XRCC4: variants seen among roughly 807,000 people sequenced by gnomAD.
The protein encoded by XRCC4 is X-ray repair cross complementing 4, also known as DNA repair protein XRCC4.
XRCC4 carries 28 observed loss-of-function variants against 39.1 expected under a neutral mutation model. The observed-to-expected ratio is 0.72, with a 90% CI of 0.53 to 0.98. XRCC4 has a LOEUF of 0.98. XRCC4 is among the 50% of genes least tolerant of loss of function. The pLI, the probability that XRCC4 is intolerant of heterozygous loss-of-function variation, is 0.00. For synonymous variants in XRCC4, 123 were observed against 126.4 expected, an observed-to-expected ratio of 0.97 and a Z score of 0.18; for missense variants, 350 against 376.4, an observed-to-expected ratio of 0.93 and a Z score of 0.58.
chr5:83,111,487 G>C (rs903232421), intron 3 of XRCC4, among the ~76,000 whole-genome samples: 27 of 152,084 alleles, frequency 1.8e-4, no homozygotes, highest in African/African-American at 5.5e-4. Flanking sequence ...CTTGAAAAAG[G>C]TGAGATCAGA....
chr5:83,352,529 A>G (rs1156333365), intron 7 of XRCC4, among the ~76,000 whole-genome samples: 1 of 152,256 alleles, frequency 6.6e-6, no homozygotes, highest in Non-Finnish European at 1.5e-5. Flanking sequence ...CAGTCAATCC[A>G]TTGAAGTAGT....
chr5:83,084,040 C>G (rs1259535148), intron 1 of XRCC4, among the ~76,000 whole-genome samples: 1 of 151,992 alleles, frequency 6.6e-6, no homozygotes, highest in Non-Finnish European at 1.5e-5. Flanking sequence ...GCGAATGTGT[C>G]TTACTGATCT....
At position 83,207,525 on chromosome 5, in the gene XRCC4, A is replaced by G. The variant is rs190565562; in HGVS notation, c.745+2604A>G. ...AGTAAGTTTTCGATGTCAAGAATTA[A>G]TAGCATAATAGAACTTTACCCTTTT... On this transcript the variant is annotated intron_variant, in intron 6 of 7. Transcript: ENST00000396027. Among the ~76,000 whole-genome samples the G allele has an allele frequency of 4.7e-4, 71 of 152,204 alleles. 1 individual carries two copies. Among genetic ancestry groups the G allele is most frequent in the Admixed American group, 1.6e-3 (24 of 15,274 alleles).
chr5:83,295,344 C>T (rs1218634391), intron 7 of XRCC4, among the ~76,000 whole-genome samples: 1 of 151,952 alleles, frequency 6.6e-6, no homozygotes, highest in South Asian at 2.1e-4. Flanking sequence ...ACATATCTGT[C>T]ATAAAATGTT....
downstream of XRCC4, among the ~76,000 whole-genome samples, chr5:83,357,172 C>T (rs920930462): frequency 6.6e-6 from 1 of 152,158 alleles, no homozygotes; most frequent in Admixed American, 6.6e-5. Context: ...TCGATCCTTT[C>T]AACAAATATT....
intron 6 of XRCC4, among the ~76,000 whole-genome samples, chr5:83,242,536 C>T (rs1018115943): frequency 1.3e-5 from 2 of 152,064 alleles, no homozygotes; most frequent in Non-Finnish European, 2.9e-5. Flanking sequence ...GCCTTGAACT[C>T]CTGGGCTCAA....
In XRCC4 at chr5:83,110,970, T is replaced by C. The variant is rs374173137; in HGVS notation, c.140-58T>C. 3 of 1,486,832 alleles carry C rather than the reference T, an allele frequency of 2.0e-6. No individual in the cohort carries two copies. In the East Asian group the frequency reaches 7.4e-5, roughly 37 times the overall value. 92.1% of individuals were successfully genotyped at this position (1,486,832 alleles called of 1,614,324 possible). A position where few individuals can be genotyped will look rare whatever the true frequency, so the allele number is the denominator to read the frequency against. On this transcript the variant is annotated intron_variant, in intron 2 of 7. Coordinates refer to ENST00000396027, the MANE Select transcript of XRCC4 (RefSeq NM_003401.5). ...TTAGTACTAACAGATAAACTAATAT[T>C]TTCTCATGTGTAGTCATTTACTTTT...
chr5:83,226,599 TCCAGACC>T (rs1752300058), intron 6 of XRCC4, among the ~76,000 whole-genome samples: 3 of 152,048 alleles, frequency 2.0e-5, no homozygotes, highest in African/African-American at 7.2e-5. Context: ...CTATGTGGGA[TCCAGACC>T]CTCCTCTCTA....
intron 7 of XRCC4, among the ~76,000 whole-genome samples, chr5:83,289,790 T>C (rs1045455914): frequency 7.9e-5 from 12 of 151,732 alleles, no homozygotes; most frequent in East Asian, 3.9e-4. Context: ...CCACGTGGGA[T>C]AGGGTTCACT....
chr5:83,184,501 A>G (rs550831969), intron 3 of XRCC4, among the ~76,000 whole-genome samples: 2 of 152,260 alleles, frequency 1.3e-5, no homozygotes, highest in Admixed American at 6.5e-5. Context: ...AAAAAAAATT[A>G]CTGTTTTAAT....
chr5:83,167,678 G>A (rs557160951), intron 3 of XRCC4, among the ~76,000 whole-genome samples: 1 of 152,294 alleles, frequency 6.6e-6, no homozygotes, highest in African/African-American at 2.4e-5. Context: ...AATGGAGTCA[G>A]AATTTACACT....
At chr5:83,262,690 A>G (rs1422791108) in intron 7 of XRCC4, among the ~76,000 whole-genome samples, 1 of 152,048 alleles carries the variant, frequency 6.6e-6, no homozygotes, top group Admixed American at 6.6e-5. Flanking sequence ...CTGTCTTTCA[A>G]ATATAAAAGA....
intron 7 of XRCC4, among the ~76,000 whole-genome samples, chr5:83,313,477 T>G (rs1755776712): frequency 1.3e-5 from 2 of 152,106 alleles, no homozygotes; most frequent in African/African-American, 4.8e-5. Flanking sequence ...CCCCCCAGTT[T>G]TTACCTATTT....
intron 6 of XRCC4, among the ~76,000 whole-genome samples, chr5:83,226,395 G>A (rs1311892158): frequency 1.1e-4 from 16 of 152,012 alleles, no homozygotes. Flanking sequence ...AGCATCATAC[G>A]TTTCTTTTTA....
At chr5:83,212,635 A>T (rs1303204309) in intron 6 of XRCC4, among the ~76,000 whole-genome samples, 1 of 152,182 alleles carries the variant, frequency 6.6e-6, no homozygotes, top group Non-Finnish European at 1.5e-5. Context: ...TGAGATAAAT[A>T]CCAAAAGATA....
chr5:83,161,598 A>G lies in XRCC4; in HGVS notation c.316-34172A>G, dbSNP rs536381116. The stretch of plus-strand genomic sequence containing the variant: ...TTTCTATGTGTTTCATTTCAATTCA[A>G]ATTAGTTACATTTGGCCATTTGTTT... On this transcript the variant is annotated intron_variant, in intron 3 of 7. Coordinates refer to ENST00000396027, the MANE Select transcript of XRCC4 (RefSeq NM_003401.5). Among the ~76,000 whole-genome samples the G allele has an allele frequency of 3.2e-3, 487 of 152,280 alleles. 1 individual carries two copies. Among genetic ancestry groups the G allele is most frequent in the Middle Eastern group, 0.014 (4 of 294 alleles).
At chr5:83,165,516 G>A (rs931287620) in intron 3 of XRCC4, among the ~76,000 whole-genome samples, 1 of 152,012 alleles carries the variant, frequency 6.6e-6, no homozygotes, top group Non-Finnish European at 1.5e-5. Context: ...TACATGTGCA[G>A]CTTTGTTACA....
chr5:83,235,463 A>G (rs1382375903), intron 6 of XRCC4, among the ~76,000 whole-genome samples: 2 of 152,092 alleles, frequency 1.3e-5, no homozygotes, highest in African/African-American at 4.8e-5. Context: ...GCCAAAAATC[A>G]TATAATCACT....
chr5:83,344,130 TCACACACACA>T (rs61032306), intron 7 of XRCC4, among the ~76,000 whole-genome samples: 2 of 148,088 alleles, frequency 1.4e-5, no homozygotes, highest in South Asian at 2.2e-4. Flanking sequence ...GACACAGATC[TCACACACACA>T]CACACACACA....
Sources: gnomAD v4.1 joint callset for allele counts (sites outside exome capture counted in the v4.1 genomes callset) on GRCh38, gnomAD v4.1.1 for gene constraint, MANE v1.5 for transcripts, NCBI Gene and HGNC (gene_info 2026-07-23, HGNC 2026-07-21) for gene names.